The following PTPRN2 variants were observed in gnomAD, a reference collection of about 807,000 sequenced individuals.
The protein encoded by PTPRN2 is receptor-type tyrosine-protein phosphatase N2.
In PTPRN2, 74 loss-of-function variants were observed where a neutral mutation model predicts 118.8. That is an observed-to-expected ratio of 0.62 (90% CI 0.52 to 0.76). PTPRN2 has a LOEUF of 0.76. Among genes scored for constraint, PTPRN2 ranks in the 30% least tolerant of loss-of-function variants. The pLI, the probability that PTPRN2 is intolerant of heterozygous loss-of-function variation, is 0.00. For synonymous variants in PTPRN2, 641 were observed against 608.0 expected (o/e 1.05, Z -0.80); for missense variants, 1,481 against 1,394.4 (o/e 1.06, Z -0.99).
At chr7:157,842,759 C>G (rs947453650) in intron 12 of PTPRN2, among the ~76,000 whole-genome samples, 3 of 152,144 alleles carry the variant, frequency 2.0e-5, no homozygotes, top group African/African-American at 7.2e-5. Flanking sequence ...GCACACCCAG[C>G]CCTTTGATTT....
At position 157,611,906 on chromosome 7, in the gene PTPRN2, G is replaced by A. The variant is rs200296966; in HGVS notation, c.2345-7831C>T. 1.3e-4 allele frequency among the ~76,000 whole-genome samples: 19 copies of A among 151,670 alleles called. 1 individual carries two copies. In the South Asian group the frequency reaches 1.3e-3, roughly 10 times the overall value. ...AGCCGCAGTCATGCTGGGGACACGC[G>A]GAGGGAGAGCGCCCGTGTGAAGACG... is the stretch of plus-strand genomic sequence containing the variant. On this transcript the variant is annotated intron_variant, in intron 15 of 22. Transcript: ENST00000389418. The surrounding 1 kb of genome is among the most constrained non-coding windows in gnomAD (Gnocchi z 5.9).
At chr7:157,651,796 C>G (rs926786496) in intron 14 of PTPRN2, among the ~76,000 whole-genome samples, 1 of 152,268 alleles carries the variant, frequency 6.6e-6, no homozygotes, top group East Asian at 1.9e-4. Context: ...CACGTCCTTG[C>G]TTTTCAGAGT....
Position 158,401,577 on chromosome 7 carries a change from T to C in PTPRN2, c.164-84645A>G, listed in dbSNP as rs571408067. On this transcript the variant is annotated intron_variant, in intron 2 of 22. Coordinates refer to ENST00000389418, the MANE Select transcript of PTPRN2 (RefSeq NM_002847.5). The stretch of plus-strand genomic sequence containing the variant: ...CAGCCCCATGGTTGCCATGACACAC[T>C]GGGTCCCAGGCATTCTAGTGAAGAG... 2.0e-5 allele frequency among the ~76,000 whole-genome samples: 3 copies of C among 152,320 alleles called. No homozygotes were observed. The East Asian group carries it at 5.8e-4, about 29-fold the overall frequency.
intron 2 of PTPRN2, among the ~76,000 whole-genome samples, chr7:158,367,353 C>T (rs1055766349): frequency 1.2e-4 from 18 of 152,346 alleles, no homozygotes; most frequent in Non-Finnish European, 2.2e-4. Context: ...CTGTAAAATA[C>T]GGAAGCTATG....
chr7:158,448,913 G>A (rs956245284), intron 2 of PTPRN2, among the ~76,000 whole-genome samples: 6 of 152,170 alleles, frequency 3.9e-5, no homozygotes, highest in African/African-American at 1.2e-4. Context: ...TGAGGGGCAC[G>A]GCACTTTGCA....
In PTPRN2 at chr7:157,957,138, C is replaced by T. The variant is rs150698109; in HGVS notation, c.1724-58401G>A. Among the ~76,000 whole-genome samples, 407 of 152,250 alleles carry T rather than the reference C, an allele frequency of 2.7e-3. 6 individuals carry two copies. The highest frequency in any genetic ancestry group is 8.9e-3 in the African/African-American group (369 of 41,550). On this transcript the variant is annotated intron_variant, in intron 11 of 22. Coordinates refer to ENST00000389418, the MANE Select transcript of PTPRN2 (RefSeq NM_002847.5). ...TTAATAAACAGCTCAAGCACTTGCA[C>T]CTGAGAGCCCACTGTTACTCTAGAG...
In PTPRN2 at chr7:157,691,676, C is replaced by A. The variant is rs1797505883; in HGVS notation, c.1789-8739G>T. Reference sequence around the variant, plus strand: ...CGTGCGAGCTGCGTCCTTGCCCTTCCCCCTACCCAGGTCAATGGTCTGGCC... The same window carrying A: ...CGTGCGAGCTGCGTCCTTGCCCTTCACCCTACCCAGGTCAATGGTCTGGCC... On this transcript the variant is annotated intron_variant, in intron 12 of 22. Coordinates refer to ENST00000389418, the MANE Select transcript of PTPRN2 (RefSeq NM_002847.5). Among the ~76,000 whole-genome samples the A allele has an allele frequency of 2.6e-5, 4 of 152,328 alleles. No homozygotes were observed. In the South Asian group the frequency reaches 8.3e-4, roughly 32 times the overall value.
At chr7:158,338,058 ACCTGCAGACGTCACACCCACACTCTC>A (rs1563169534) in intron 2 of PTPRN2, among the ~76,000 whole-genome samples, 3 of 8,190 alleles carry the variant, frequency 3.7e-4, no homozygotes, top group South Asian at 0.012. Context: ...AAGAGGTGAC[ACCTGCAGACGTCACACCCACACTCTC>A]ACCATAAGAG....
At chr7:158,223,674 A>G (rs1260253401) in intron 3 of PTPRN2, among the ~76,000 whole-genome samples, 2 of 152,220 alleles carry the variant, frequency 1.3e-5, no homozygotes, top group Non-Finnish European at 2.9e-5. Context: ...CAAGCTAACA[A>G]TAAACATCTA....
intron 17 of PTPRN2, among the ~76,000 whole-genome samples, chr7:157,589,731 C>T: frequency 6.6e-6 from 1 of 152,192 alleles, no homozygotes; most frequent in East Asian, 1.9e-4. Context: ...TATTCTTAAC[C>T]CTTCTTCAGA....
chr7:158,090,675 A>G (rs561426304), intron 10 of PTPRN2, among the ~76,000 whole-genome samples: 17 of 152,362 alleles, frequency 1.1e-4, no homozygotes, highest in African/African-American at 4.1e-4. Flanking sequence ...CTATCACTCA[A>G]GACTTATGAG....
chr7:158,556,568 G>A (rs1827011136), intron 1 of PTPRN2, among the ~76,000 whole-genome samples: 1 of 149,822 alleles, frequency 6.7e-6, no homozygotes, highest in Non-Finnish European at 1.5e-5. Context: ...AAAAAAAAAA[G>A]ATAGATTAGA....
intron 11 of PTPRN2, among the ~76,000 whole-genome samples, chr7:158,073,638 C>T (rs934768332): frequency 2.0e-5 from 3 of 150,136 alleles, no homozygotes; most frequent in Admixed American, 6.6e-5. Context: ...GAGATGAGGC[C>T]GCTTCCTACT....
chr7:157,961,260 G>A (rs1002763661), intron 11 of PTPRN2, among the ~76,000 whole-genome samples: 3 of 152,104 alleles, frequency 2.0e-5, no homozygotes, highest in African/African-American at 7.2e-5. Flanking sequence ...GGTCAGGCGT[G>A]GTAGCTCATG....
intron 11 of PTPRN2, among the ~76,000 whole-genome samples, chr7:158,072,009 GTCGTA>G (rs1811928871): frequency 1.9e-5 from 2 of 105,406 alleles, no homozygotes; most frequent in African/African-American, 7.7e-5. Context: ...GGAGGTGCTC[GTCGTA>G]TGGAGGTGCT....
chr7:158,030,545 G>C (rs181791025), intron 11 of PTPRN2: 4 of 152,396 alleles, frequency 2.6e-5, no homozygotes, highest in Middle Eastern at 3.4e-3. Context: ...TCCTAATCCA[G>C]GGACTGGTGT....
At chr7:158,308,570 T>G (rs996978310) in intron 3 of PTPRN2, among the ~76,000 whole-genome samples, 2 of 152,166 alleles carry the variant, frequency 1.3e-5, no homozygotes, top group African/African-American at 4.8e-5. Context: ...GATATAATTT[T>G]CATGACAATA....
chr7:158,448,986 T>C (rs933549356), intron 2 of PTPRN2, among the ~76,000 whole-genome samples: 1 of 152,194 alleles, frequency 6.6e-6, no homozygotes, highest in East Asian at 1.9e-4. Context: ...TCTCAACAGA[T>C]GTTCAGGACA....
chr7:158,203,608 TGA>T (rs1328541874), intron 4 of PTPRN2, among the ~76,000 whole-genome samples: 3 of 151,772 alleles, frequency 2.0e-5, no homozygotes, highest in Admixed American at 1.3e-4. Flanking sequence ...CCCCCCAGAG[TGA>T]GGAGGAGCCA....
Sources: gnomAD v4.1 joint callset for allele counts (sites outside exome capture counted in the v4.1 genomes callset) on GRCh38, gnomAD v4.1.1 for gene constraint, Gnocchi (gnomAD v3.1) non-coding constraint, MANE v1.5 for transcripts, NCBI Gene and HGNC (gene_info 2026-07-23, HGNC 2026-07-21) for gene names.